PGCKA1: variants seen among roughly 807,000 people sequenced by gnomAD.
PGCKA1 encodes PDCD10 and GCKIII kinases associated 1, also known as PDCD10 and GCKIII kinases-associated protein 1.
At chr4:37,492,074 C>T in the PGCKA1 span, among the ~76,000 whole-genome samples, 1 of 131,746 alleles carries the variant, frequency 7.6e-6, no homozygotes. The surrounding 1 kb of genome is among the most constrained non-coding windows in gnomAD (Gnocchi z 4.7). Context: ...TGGAGTCTTG[C>T]TCTTTCTACC....
At chr4:37,553,298 C>T in the PGCKA1 span, among the ~76,000 whole-genome samples, 25 of 150,758 alleles carry the variant, frequency 1.7e-4, no homozygotes, top group South Asian at 2.4e-3. Flanking sequence ...AAAATTATAA[C>T]TTCTTTGATG....
At chr4:37,463,054 G>GAA in the PGCKA1 span, among the ~76,000 whole-genome samples, 1 of 150,704 alleles carries the variant, frequency 6.6e-6, no homozygotes, top group Non-Finnish European at 1.5e-5. Flanking sequence ...TTATGGATAA[G>GAA]AAAACTGAGG....
At chr4:37,531,084 G>A in the PGCKA1 span, among the ~76,000 whole-genome samples, 18 of 152,346 alleles carry the variant, frequency 1.2e-4, no homozygotes, top group African/African-American at 4.3e-4. Flanking sequence ...AATCTTTACA[G>A]TGACCTGTTA....
chr4:37,482,376 T>A, the PGCKA1 span, among the ~76,000 whole-genome samples: 1 of 152,292 alleles, frequency 6.6e-6, no homozygotes, highest in African/African-American at 2.4e-5. Context: ...ATGAAGAACT[T>A]GTTGGGAACT....
At chr4:37,513,242 C>T in the PGCKA1 span, among the ~76,000 whole-genome samples, 2 of 152,182 alleles carry the variant, frequency 1.3e-5, no homozygotes, top group African/African-American at 4.8e-5. Context: ...ATTCCAAAGC[C>T]TGCTCTACTT....
the PGCKA1 span, among the ~76,000 whole-genome samples, chr4:37,539,576 C>G: frequency 6.6e-6 from 1 of 152,184 alleles, no homozygotes; most frequent in Non-Finnish European, 1.5e-5. Context: ...ATGGCTTGAA[C>G]CTGGGAGGCA....
chr4:37,496,534 C>T, the PGCKA1 span, among the ~76,000 whole-genome samples: 461 of 152,230 alleles, frequency 3.0e-3, 1 homozygote, highest in Non-Finnish European at 4.8e-3. Flanking sequence ...CTTTGGGTAG[C>T]GTGATTCCTC....
chr4:37,526,572 T>C, the PGCKA1 span, among the ~76,000 whole-genome samples: 1 of 152,338 alleles, frequency 6.6e-6, no homozygotes, highest in African/African-American at 2.4e-5. Flanking sequence ...ATGCACCTCA[T>C]AACGATGTTT....
the PGCKA1 span, among the ~76,000 whole-genome samples, chr4:37,476,478 C>T: frequency 6.6e-6 from 1 of 152,160 alleles, no homozygotes; most frequent in Admixed American, 6.6e-5. Flanking sequence ...ATTTCAAATA[C>T]CTTCATTCTC....
At chr4:37,585,853 C>T in the PGCKA1 span, among the ~76,000 whole-genome samples, 10 of 151,858 alleles carry the variant, frequency 6.6e-5, no homozygotes, top group South Asian at 6.2e-4. Context: ...TTTCTGTCTA[C>T]GGGACTGTTG....
the PGCKA1 span, among the ~76,000 whole-genome samples, chr4:37,539,323 C>A: frequency 2.6e-4 from 39 of 152,322 alleles, no homozygotes; most frequent in African/African-American, 9.1e-4. Context: ...CCTGTTCAGC[C>A]TGCTGCCACT....
the PGCKA1 span, among the ~76,000 whole-genome samples, chr4:37,525,672 G>A: frequency 6.6e-6 from 1 of 152,082 alleles, no homozygotes; most frequent in African/African-American, 2.4e-5. Flanking sequence ...TTCAGCATCA[G>A]GCACCAGAAA....
chr4:37,527,079 CA>C, the PGCKA1 span, among the ~76,000 whole-genome samples: 1 of 135,338 alleles, frequency 7.4e-6, no homozygotes, highest in Non-Finnish European at 1.6e-5. Context: ...TACCTTTTAA[CA>C]AAAAGGTTTT....
the PGCKA1 span, among the ~76,000 whole-genome samples, chr4:37,482,721 T>C: frequency 6.6e-6 from 1 of 152,088 alleles, no homozygotes; most frequent in African/African-American, 2.4e-5. Flanking sequence ...CCTCCCATCA[T>C]AGGCCTGAAG....
chr4:37,590,142 C>T, the PGCKA1 span: 7 of 1,614,130 alleles, frequency 4.3e-6, no homozygotes, highest in Admixed American at 1.2e-4. Flanking sequence ...ATGAAGTCAA[C>T]AGCTGCAAGC....
At chr4:37,503,990 T>C in the PGCKA1 span, among the ~76,000 whole-genome samples, 1 of 152,202 alleles carries the variant, frequency 6.6e-6, no homozygotes, top group African/African-American at 2.4e-5. Context: ...TTTGCTTTGC[T>C]TGCCTGTGCT....
At chr4:37,564,515 A>T in the PGCKA1 span, among the ~76,000 whole-genome samples, 88 of 151,092 alleles carry the variant, frequency 5.8e-4, no homozygotes, top group Middle Eastern at 3.4e-3. Flanking sequence ...TTATTTATTT[A>T]TTTTTTTTGA....
the PGCKA1 span, among the ~76,000 whole-genome samples, chr4:37,482,284 A>G: frequency 6.6e-6 from 1 of 152,198 alleles, no homozygotes; most frequent in East Asian, 1.9e-4. Flanking sequence ...GGAACTTCCT[A>G]GAGATTTGTT....
the PGCKA1 span, among the ~76,000 whole-genome samples, chr4:37,536,636 G>T: frequency 1.4e-4 from 22 of 152,302 alleles, no homozygotes; most frequent in East Asian, 4.0e-3. Flanking sequence ...CTGTAGAGAT[G>T]GAGTCAGCAA....
Sources: gnomAD v4.1 joint callset for allele counts (sites outside exome capture counted in the v4.1 genomes callset) on GRCh38, gnomAD v4.1.1 for gene constraint, Gnocchi (gnomAD v3.1) non-coding constraint, MANE v1.5 for transcripts, NCBI Gene and HGNC (gene_info 2026-07-23, HGNC 2026-07-21) for gene names.